PPP1R9A: variants seen among roughly 807,000 people sequenced by gnomAD.
PPP1R9A encodes the protein neurabin-1.
PPP1R9A carries 59 observed loss-of-function variants against 141.9 expected under a neutral mutation model. That is an observed-to-expected ratio of 0.42 (90% CI 0.34 to 0.52). The LOEUF (loss-of-function observed/expected upper bound fraction) is 0.52. PPP1R9A is among the 20% of genes least tolerant of loss of function. The pLI is 0.10. For missense variants in PPP1R9A, 1,444 were observed against 1,611.9 expected, an observed-to-expected ratio of 0.90 and a Z score of 1.78; for synonymous variants, 500 against 569.7, an observed-to-expected ratio of 0.88 and a Z score of 1.74.
At chr7:95,139,901 G>C (rs1353113199) in intron 4 of PPP1R9A, among the ~76,000 whole-genome samples, 1 of 150,690 alleles carries the variant, frequency 6.6e-6, no homozygotes, top group Non-Finnish European at 1.5e-5. Context: ...ATTTAAGCTA[G>C]ATGAGTCTGG....
In PPP1R9A at chr7:95,284,066, A is replaced by G. The variant is rs1240423225; in HGVS notation, c.3345A>G (p.Thr1115=). The change falls in exon 17 of 20, where the codon ACA becomes ACG. Residue 1115 remains threonine (T), a synonymous_variant. Coordinates refer to ENST00000433360, the MANE Select transcript of PPP1R9A (RefSeq NM_001166160.2). ...ACTGGACACCCAAGCCATGTTCAAC[A>G]GCTCAGACCTCCACTCGTTCCCCTT... The part of the protein sequence containing the change: ...LENWTPKPCS[T]AQTSTRSPCM... The G allele has an allele frequency of 1.9e-6, 3 of 1,598,072 alleles. No homozygotes were observed. The highest frequency in any genetic ancestry group is 2.2e-5 in the East Asian group (1 of 44,870).
intron 3 of PPP1R9A, among the ~76,000 whole-genome samples, chr7:95,116,501 A>T (rs1310183694): frequency 6.6e-6 from 1 of 152,170 alleles, no homozygotes; most frequent in Admixed American, 6.5e-5. Flanking sequence ...AAAACAACAA[A>T]ATATTTATTA....
At chr7:95,028,004 TG>T (rs1415854793) in intron 2 of PPP1R9A, among the ~76,000 whole-genome samples, 1 of 152,126 alleles carries the variant, frequency 6.6e-6, no homozygotes, top group African/African-American at 2.4e-5. Flanking sequence ...GTCCATTGAG[TG>T]ACATATATTC....
At chr7:95,218,728 T>G (rs1213129397) in intron 7 of PPP1R9A, among the ~76,000 whole-genome samples, 3 of 152,348 alleles carry the variant, frequency 2.0e-5, no homozygotes, top group Admixed American at 1.3e-4. Flanking sequence ...TGTAATGGCC[T>G]TCTTTGTCTC....
intron 8 of PPP1R9A, among the ~76,000 whole-genome samples, chr7:95,233,909 C>T (rs1796320939): frequency 6.6e-6 from 1 of 152,054 alleles, no homozygotes; most frequent in African/African-American, 2.4e-5. Context: ...ATCACATAAA[C>T]AGAATTAAAA....
At chr7:95,038,461 T>C (rs1808759680) in intron 2 of PPP1R9A, among the ~76,000 whole-genome samples, 1 of 152,274 alleles carries the variant, frequency 6.6e-6, no homozygotes, top group Admixed American at 6.5e-5. Flanking sequence ...TCACAGATGA[T>C]CTGAGAATGA....
intron 4 of PPP1R9A, among the ~76,000 whole-genome samples, chr7:95,125,229 C>T (rs989112841): frequency 5.3e-5 from 8 of 152,136 alleles, no homozygotes; most frequent in African/African-American, 1.9e-4. Context: ...GAACTCCCCA[C>T]CTCAGCCTCC....
intron 5 of PPP1R9A, among the ~76,000 whole-genome samples, chr7:95,192,208 TA>T (rs1309695887): frequency 3.9e-5 from 6 of 151,928 alleles, no homozygotes; most frequent in African/African-American, 1.4e-4. Context: ...GTGTGTAGAG[TA>T]AGTACTTTTT....
At chr7:95,047,423 A>G (rs1259376565) in intron 2 of PPP1R9A, among the ~76,000 whole-genome samples, 2 of 152,118 alleles carry the variant, frequency 1.3e-5, no homozygotes, top group African/African-American at 4.8e-5. Context: ...TCACTTTTTG[A>G]GACATAATGG....
At chr7:94,964,355 T>G (rs887390431) in intron 2 of PPP1R9A, among the ~76,000 whole-genome samples, 1 of 152,170 alleles carries the variant, frequency 6.6e-6, no homozygotes, top group South Asian at 2.1e-4. Context: ...TTTTTAAATT[T>G]ATACTTTAAG....
chr7:95,234,637 A>G (rs1300058672), intron 8 of PPP1R9A, among the ~76,000 whole-genome samples: 1 of 152,100 alleles, frequency 6.6e-6, no homozygotes, highest in Non-Finnish European at 1.5e-5. Context: ...CAATTCCCAT[A>G]AAAATACCAC....
At position 95,166,148 on chromosome 7, in the gene PPP1R9A, C is replaced by CA. The variant is rs201112181; in HGVS notation, c.1754+4195dup. ...GGGCAACAAGAGTGAAACTCCATTT[C>CA]AAAAAAAAAAAAAAAAAAGAAAGAA... On this transcript the variant is annotated intron_variant, in intron 5 of 19. Coordinates refer to ENST00000433360, the MANE Select transcript of PPP1R9A (RefSeq NM_001166160.2). Among the ~76,000 whole-genome samples the CA allele has an allele frequency of 6.0e-3, 627 of 104,344 alleles. 2 individuals are homozygous for CA. The highest frequency in any genetic ancestry group is 8.9e-3 in the Non-Finnish European group (445 of 50,110). 68.5% of individuals were successfully genotyped at this position (104,344 alleles called of 152,430 possible). A position where few individuals can be genotyped will look rare whatever the true frequency, so the allele number is the denominator to read the frequency against.
chr7:95,089,336 G>C (rs1261700239), intron 2 of PPP1R9A, among the ~76,000 whole-genome samples: 1 of 151,884 alleles, frequency 6.6e-6, no homozygotes, highest in Non-Finnish European at 1.5e-5. Context: ...CATGTGAAAG[G>C]ACTCATTTTG....
At chr7:95,052,107 T>A (rs2152000580) in intron 2 of PPP1R9A, among the ~76,000 whole-genome samples, 1 of 152,252 alleles carries the variant, frequency 6.6e-6, no homozygotes, top group South Asian at 2.1e-4. Context: ...CCCAAAGTGC[T>A]GGGATTATAG....
chr7:94,933,112 A>G (rs557054634), intron 2 of PPP1R9A, among the ~76,000 whole-genome samples: 5 of 152,108 alleles, frequency 3.3e-5, no homozygotes, highest in African/African-American at 4.8e-5. Flanking sequence ...TTAGCGTCCT[A>G]TCATCATGTA....
At chr7:95,235,023 G>T (rs761436138) in intron 8 of PPP1R9A, among the ~76,000 whole-genome samples, 13 of 152,122 alleles carry the variant, frequency 8.5e-5, no homozygotes, top group Non-Finnish European at 1.9e-4. Context: ...ACTCAAGATG[G>T]ATCAAAGACT....
intron 2 of PPP1R9A, among the ~76,000 whole-genome samples, chr7:95,006,403 G>A (rs1330965235): frequency 6.6e-6 from 1 of 151,906 alleles, no homozygotes; most frequent in East Asian, 1.9e-4. Context: ...ATTTTTAGTA[G>A]AGACAGGGTT....
At chr7:95,087,816 T>G (rs1816827208) in intron 2 of PPP1R9A, among the ~76,000 whole-genome samples, 1 of 151,016 alleles carries the variant, frequency 6.6e-6, no homozygotes, top group African/African-American at 2.4e-5. Flanking sequence ...AATCTCTTGA[T>G]CCTGGGCGGC....
intron 2 of PPP1R9A, among the ~76,000 whole-genome samples, chr7:94,942,694 C>T (rs187060925): frequency 6.7e-4 from 102 of 152,090 alleles, no homozygotes; most frequent in African/African-American, 2.4e-3. Flanking sequence ...ATCCCAGCTA[C>T]TCAGGAGGCT....
Sources: gnomAD v4.1 joint callset for allele counts (sites outside exome capture counted in the v4.1 genomes callset) on GRCh38, gnomAD v4.1.1 for gene constraint, MANE v1.5 for transcripts, NCBI Gene and HGNC (gene_info 2026-07-23, HGNC 2026-07-21) for gene names.